The following KCNQ1 variants were observed in gnomAD, a reference collection of about 807,000 sequenced individuals.
The protein encoded by KCNQ1 is potassium voltage-gated channel subfamily Q member 1.
A neutral mutation model predicts 72.4 loss-of-function variants in KCNQ1; 49 were observed. That is an observed-to-expected ratio of 0.68 (90% CI 0.54 to 0.86). The LOEUF is 0.86. Ranked by LOEUF, KCNQ1 falls within the 40% of genes least tolerant of loss-of-function variation. KCNQ1 has a pLI of 0.00. For missense variants in KCNQ1, 790 were observed against 945.1 expected (o/e 0.84, Z 2.15); for synonymous variants, 450 against 412.6 (o/e 1.09, Z -1.10).
At chr11:2,454,766 C>G (rs571996700) in intron 1 of KCNQ1, among the ~76,000 whole-genome samples, 2 of 152,166 alleles carry the variant, frequency 1.3e-5, no homozygotes, top group African/African-American at 4.8e-5. Context: ...ATCAAAGGAA[C>G]ATATCTCAAT....
chr11:2,838,655 G>T lies in KCNQ1; in HGVS notation c.1795-9112G>T, dbSNP rs568922730. Among the ~76,000 whole-genome samples, 29 of 152,296 alleles carry T rather than the reference G, an allele frequency of 1.9e-4. No individual in the cohort carries two copies. In the South Asian group the frequency reaches 6.0e-3, roughly 32 times the overall value. Reference sequence around the variant, plus strand: ...GAGGGCCCAGGGTAGGGGAGGATGTGGGGGCAGCAGGGCCGATGTGGGCAG... The same window carrying T: ...GAGGGCCCAGGGTAGGGGAGGATGTTGGGGCAGCAGGGCCGATGTGGGCAG... On this transcript the variant is annotated intron_variant, in intron 15 of 15. Transcript: ENST00000155840.
Position 2,809,561 on chromosome 11 carries a change from C to T in KCNQ1, c.1794+31524C>T, listed in dbSNP as rs1323003116. ...CAACAGACTCCCCATAGTCCTCTCA[C>T]CACAGACACCTCTTCTCAGTTCTTC... On this transcript the variant is annotated intron_variant, in intron 15 of 15. Transcript: ENST00000155840. This position sits in a 1 kb window ranked among gnomAD's most constrained non-coding sequence, Gnocchi z 7.1. Among the ~76,000 whole-genome samples, 2 of 152,182 alleles carry T rather than the reference C, an allele frequency of 1.3e-5. No homozygotes were observed. The highest frequency in any genetic ancestry group is 2.4e-5 in the African/African-American group (1 of 41,448).
chr11:2,741,949 C>T (rs1846059528), intron 11 of KCNQ1, among the ~76,000 whole-genome samples: 1 of 152,236 alleles, frequency 6.6e-6, no homozygotes, highest in African/African-American at 2.4e-5. Context: ...AGCGCCCCTC[C>T]TATCCCCCTG....
intron 10 of KCNQ1, chr11:2,656,112 G>C (rs1054738342): frequency 2.5e-6 from 1 of 398,514 alleles, no homozygotes; most frequent in African/African-American, 2.1e-5. Context: ...GCAACTCTAC[G>C]TTCTAGCCTG....
intron 10 of KCNQ1, among the ~76,000 whole-genome samples, chr11:2,604,171 T>C (rs1848847016): frequency 6.6e-6 from 1 of 152,078 alleles, no homozygotes; most frequent in Non-Finnish European, 1.5e-5. Context: ...TCATATCTCC[T>C]GGGCATGAAA....
In KCNQ1 at chr11:2,507,800, C is replaced by T. The variant is rs553365295; in HGVS notation, c.387-20128C>T. The stretch of plus-strand genomic sequence containing the variant: ...CCTGGGTGGGTGGAAGGGCAGAGGG[C>T]AAGGGCCAAGTGATGGCAGCTGTGG... On this transcript the variant is annotated intron_variant, in intron 1 of 15. Coordinates refer to ENST00000155840, the MANE Select transcript of KCNQ1 (RefSeq NM_000218.3). The surrounding 1 kb of genome is among the most constrained non-coding windows in gnomAD (Gnocchi z 5.4). Among the ~76,000 whole-genome samples the T allele has an allele frequency of 2.8e-4, 42 of 152,002 alleles. No homozygotes were observed. The East Asian group carries it at 7.8e-3, about 28-fold the overall frequency.
chr11:2,761,232 C>G lies in KCNQ1; in HGVS notation c.1515-7612C>G, dbSNP rs886178380. Reference sequence around the variant, plus strand: ...CTCCTGCGTCCACCCCAGCCAAACCCTTCATCGTTCCTCCGGTCAATGGTC... The same window carrying G: ...CTCCTGCGTCCACCCCAGCCAAACCGTTCATCGTTCCTCCGGTCAATGGTC... On this transcript the variant is annotated intron_variant, in intron 11 of 15. Transcript: ENST00000155840. 5.3e-4 allele frequency among the ~76,000 whole-genome samples: 81 copies of G among 152,064 alleles called. 1 individual carries two copies. Among genetic ancestry groups the G allele is most frequent in the African/African-American group, 1.8e-3 (74 of 41,512 alleles).
chr11:2,790,580 C>T (rs530072876), intron 15 of KCNQ1, among the ~76,000 whole-genome samples: 106 of 152,354 alleles, frequency 7.0e-4, no homozygotes, highest in African/African-American at 2.3e-3. Context: ...CCTCCTCTCA[C>T]GCCTTTGGAG....
In KCNQ1 at chr11:2,495,315, G is replaced by GT. The variant is rs1846892656; in HGVS notation, c.387-32608dup. ...TGGATTCATTGATTTTTTTGGAAGG[G>GT]TTTTTCATGTCTCTATCTCCTTCAG... On this transcript the variant is annotated intron_variant, in intron 1 of 15. Transcript: ENST00000155840. The surrounding 1 kb of genome is among the most constrained non-coding windows in gnomAD (Gnocchi z 4.6). 6.6e-6 allele frequency among the ~76,000 whole-genome samples: 1 copy of GT among 151,982 alleles called. No individual in the cohort carries two copies.
intron 10 of KCNQ1, chr11:2,656,630 T>C (rs2133849569): frequency 2.5e-6 from 1 of 398,676 alleles, no homozygotes; most frequent in East Asian, 3.6e-5. Flanking sequence ...AAGTCATTTA[T>C]ATTTTTCCTA....
rs1846536048 is a variant in KCNQ1, at chr11:2,768,584, T to C, written c.1515-260T>C. ...GGCCCTGACTCCTACCTGACCCCCT[T>C]CTGAATGACACTCAAGGTAAGGGTC... is the stretch of plus-strand genomic sequence containing the variant. On this transcript the variant is annotated intron_variant, in intron 11 of 15. Transcript: ENST00000155840. The surrounding 1 kb of genome is among the most constrained non-coding windows in gnomAD (Gnocchi z 6.7). Among the ~76,000 whole-genome samples the C allele has an allele frequency of 1.3e-5, 2 of 152,158 alleles. No individual in the cohort carries two copies. Among genetic ancestry groups the C allele is most frequent in the South Asian group, 4.1e-4 (2 of 4,828 alleles).
At chr11:2,718,416 C>A (rs1391457993) in intron 11 of KCNQ1, among the ~76,000 whole-genome samples, 1 of 152,234 alleles carries the variant, frequency 6.6e-6, no homozygotes, top group East Asian at 1.9e-4. Flanking sequence ...ATCCCCGCAG[C>A]ACCAGCCCCT....
At chr11:2,591,355 C>T (rs533721612) in intron 10 of KCNQ1, among the ~76,000 whole-genome samples, 1 of 152,316 alleles carries the variant, frequency 6.6e-6, no homozygotes, top group East Asian at 1.9e-4. Context: ...CACCAGGCTC[C>T]CCAGGACTTA....
intron 10 of KCNQ1, chr11:2,609,174 C>T (rs527553589): frequency 2.5e-5 from 10 of 398,124 alleles, no homozygotes; most frequent in African/African-American, 1.8e-4. Context: ...TATAAAATTC[C>T]ATCTTTACAC....
chr11:2,534,084 A>G (rs1382962224), intron 2 of KCNQ1, among the ~76,000 whole-genome samples: 4 of 151,680 alleles, frequency 2.6e-5, no homozygotes, highest in African/African-American at 9.7e-5. Context: ...TTCAGCACAC[A>G]GCGAGGCCTC....
intron 10 of KCNQ1, chr11:2,644,519 T>A (rs1414455971): frequency 2.5e-6 from 1 of 398,540 alleles, no homozygotes; most frequent in East Asian, 3.6e-5. Flanking sequence ...AGATCTTCTT[T>A]AATATTATAT....
Position 2,627,367 on chromosome 11 carries a change from A to C in KCNQ1, c.1394-34594A>C. ...TCTTAGCAAATTCCAAGTATAGAAT[A>C]TATTAACTATAGTCACCAATCTGGA... On this transcript the variant is annotated intron_variant, in intron 10 of 15. Transcript: ENST00000155840. This position sits in a 1 kb window ranked among gnomAD's most constrained non-coding sequence, Gnocchi z 4.9. The C allele has an allele frequency of 2.5e-6, 1 of 398,538 alleles. No individual in the cohort carries two copies. Among genetic ancestry groups the C allele is most frequent in the Non-Finnish European group, 4.4e-6 (1 of 226,040 alleles). The allele number at this position is 398,538 out of a possible 1,614,324, so 24.7% of individuals were successfully genotyped here. A position where few individuals can be genotyped will look rare whatever the true frequency, so the allele number is the denominator to read the frequency against.
At chr11:2,802,591 C>T (rs1206210538) in intron 15 of KCNQ1, among the ~76,000 whole-genome samples, 2 of 152,046 alleles carry the variant, frequency 1.3e-5, no homozygotes, top group African/African-American at 2.4e-5. Context: ...AGCCTAGTGC[C>T]TCCTGGGTCC....
intron 6 of KCNQ1, among the ~76,000 whole-genome samples, chr11:2,577,106 T>C (rs929703467): frequency 1.3e-5 from 2 of 152,250 alleles, no homozygotes; most frequent in Admixed American, 1.3e-4. Flanking sequence ...CTGCGGAGAC[T>C]TTCCCTGGAC....
Sources: allele counts gnomAD v4.1 joint callset (sites outside exome capture counted in the v4.1 genomes callset), GRCh38; gene constraint gnomAD v4.1.1; non-coding constraint Gnocchi (gnomAD v3.1); transcripts MANE v1.5; gene names NCBI Gene and HGNC (gene_info 2026-07-23, HGNC 2026-07-21).